Variants in SRP9 observed in about 807,000 individuals in gnomAD.
The protein encoded by SRP9 is signal recognition particle 9.
A neutral mutation model predicts 11.7 loss-of-function variants in SRP9; 2 were observed. The ratio of observed to expected loss-of-function variants is 0.17; its 90% CI spans 0.07 to 0.54. The LOEUF (loss-of-function observed/expected upper bound fraction) is 0.54. Among genes scored for constraint, SRP9 ranks in the 20% least tolerant of loss-of-function variants. The pLI is 0.94. For missense variants in SRP9, 54 were observed against 108.1 expected (o/e 0.50, Z 2.22); for synonymous variants, 27 against 35.6 (o/e 0.76, Z 0.86).
chr1:225,778,087 C>T (rs1005414823), intron 1 of SRP9, 75 bp downstream of exon 1: 28 of 1,535,502 alleles, frequency 1.8e-5, no homozygotes, highest in African/African-American at 1.8e-4. Flanking sequence ...GCCCCTGGAG[C>T]TTCCCCAGCG....
At chr1:225,781,113 C>G (rs3753654) in intron 1 of SRP9, among the ~76,000 whole-genome samples, 3 of 152,196 alleles carry the variant, frequency 2.0e-5, no homozygotes, top group African/African-American at 7.2e-5. Context: ...AGCCTTTCTT[C>G]TGCCTTCTTC....
chr1:225,787,802 TTGA>T (rs916157314), intron 2 of SRP9, among the ~76,000 whole-genome samples: 1 of 152,162 alleles, frequency 6.6e-6, no homozygotes, highest in Non-Finnish European at 1.5e-5. Flanking sequence ...TGCTAAAATT[TTGA>T]TGATGAAGAT....
chr1:225,780,178 ATTTTTTTT>A (rs67816765), intron 1 of SRP9, among the ~76,000 whole-genome samples: 3 of 130,180 alleles, frequency 2.3e-5, no homozygotes, highest in African/African-American at 5.9e-5. Flanking sequence ...TGCCTGCCTA[ATTTTTTTT>A]TTTTTTTTTT....
chr1:225,779,823 C>T (rs1313928566), intron 1 of SRP9, among the ~76,000 whole-genome samples: 3 of 152,174 alleles, frequency 2.0e-5, no homozygotes, highest in Non-Finnish European at 4.4e-5. Flanking sequence ...GACAATGCTA[C>T]TCTGAGACCA....
chr1:225,784,134 T>A (rs1262155519), intron 2 of SRP9, among the ~76,000 whole-genome samples: 2 of 151,272 alleles, frequency 1.3e-5, no homozygotes, highest in Non-Finnish European at 2.9e-5. Context: ...CTTGCAAATG[T>A]GTGTTTAGTT....
Position 225,789,334 on chromosome 1 carries a change from G to T in SRP9, c.236G>T (p.Arg79Leu), listed in dbSNP as rs756194834. Residue 79 changes from arginine (R) to leucine (L), a missense_variant, in exon 3 of 3, where the codon CGC becomes CTC. Coordinates refer to ENST00000304786, the MANE Select transcript of SRP9 (RefSeq NM_003133.6). ...CGACTTATGGTAGCCAAGGAAGCCC[G>T]CAATGTTACCATGGAAACTGAGTGA... Reference protein sequence around the residue: ...LMRLMVAKEARNVTMETE With the variant: ...LMRLMVAKEALNVTMETE 3 of 1,602,668 alleles carry T rather than the reference G, an allele frequency of 1.9e-6. No homozygotes were observed. The highest frequency in any genetic ancestry group is 2.6e-6 in the Non-Finnish European group (3 of 1,175,294).
chr1:225,786,947 G>T (rs891194063), intron 2 of SRP9: 45 of 597,152 alleles, frequency 7.5e-5, no homozygotes, highest in African/African-American at 6.7e-4. Flanking sequence ...GGCTCAAGCG[G>T]TCCTCTTGCT....
At chr1:225,786,783 G>A (rs1665924858) in intron 2 of SRP9, 2 of 1,131,934 alleles carry the variant, frequency 1.8e-6, no homozygotes, top group Non-Finnish European at 2.2e-6. Flanking sequence ...TCTAACATGA[G>A]TGCTTACCCT....
chr1:225,786,060 CTCTCTAA>C (rs1161724218), intron 2 of SRP9, among the ~76,000 whole-genome samples: 21 of 152,308 alleles, frequency 1.4e-4, no homozygotes, highest in African/African-American at 5.1e-4. Context: ...CCCTTGCATC[CTCTCTAA>C]TCTCTGTCAT....
intron 2 of SRP9, among the ~76,000 whole-genome samples, chr1:225,787,872 T>A (rs900418926): frequency 3.3e-5 from 5 of 152,150 alleles, no homozygotes; most frequent in South Asian, 2.1e-4. Flanking sequence ...TGGATAAAAA[T>A]TTTTTTAAGT....
At position 225,789,566 on chromosome 1, in the gene SRP9, T is replaced by C. The variant is rs11555998; in HGVS notation, c.*207T>C. 1 of 429,294 alleles carries C rather than the reference T, an allele frequency of 2.3e-6. No individual in the cohort carries two copies. The highest frequency in any genetic ancestry group is 4.1e-5 in the East Asian group (1 of 24,152). 26.6% of individuals were successfully genotyped at this position (429,294 alleles called of 1,614,324 possible). ...GAAAGCCTTTATTTACTTTTGGAAA[T>C]TGAACAAGAAATGCATCTGTCTTAG... On this transcript the variant is annotated 3_prime_UTR_variant, in exon 3 of 3. Transcript: ENST00000304786.
chr1:225,780,472 A>G lies in SRP9; in HGVS notation c.72+2460A>G, dbSNP rs1475490425. 2.0e-5 allele frequency among the ~76,000 whole-genome samples: 3 copies of G among 152,128 alleles called. No homozygotes were observed. In the East Asian group the frequency reaches 5.8e-4, roughly 29 times the overall value. On this transcript the variant is annotated intron_variant, in intron 1 of 2. Transcript: ENST00000304786. ...TTGGCTCACTGCAACCTCCGCCTCTACGTGACAGGCATTTTACATATGTTT... is the reference window on the plus strand; with the variant it reads ...TTGGCTCACTGCAACCTCCGCCTCTGCGTGACAGGCATTTTACATATGTTT...
At chr1:225,789,033 G>A (rs770354270) in intron 2 of SRP9, 37 of 1,550,776 alleles carry the variant, frequency 2.4e-5, no homozygotes, top group Non-Finnish European at 3.2e-5. Context: ...TTTGTCCACA[G>A]CAGTGGCATT....
chr1:225,781,450 A>C (rs1472845459), intron 1 of SRP9, among the ~76,000 whole-genome samples: 1 of 121,712 alleles, frequency 8.2e-6, no homozygotes, highest in Non-Finnish European at 1.6e-5. Flanking sequence ...TCCAGGCTGG[A>C]GTGCAGTGGT....
At chr1:225,788,538 C>T (rs1471788414) in intron 2 of SRP9, among the ~76,000 whole-genome samples, 1 of 151,854 alleles carries the variant, frequency 6.6e-6, no homozygotes, top group Non-Finnish European at 1.5e-5. Context: ...GCCTCAGCCT[C>T]CTAAGTAGCT....
intron 2 of SRP9, among the ~76,000 whole-genome samples, chr1:225,784,707 T>C (rs1451167726): frequency 6.6e-6 from 1 of 151,604 alleles, no homozygotes; most frequent in East Asian, 2.0e-4. Context: ...CCAGGCATGG[T>C]GGCGGGCACC....
At chr1:225,780,750 T>A (rs1665778372) in intron 1 of SRP9, among the ~76,000 whole-genome samples, 1 of 152,212 alleles carries the variant, frequency 6.6e-6, no homozygotes, top group Non-Finnish European at 1.5e-5. Context: ...AAATTCTCTG[T>A]CTTCTCTCCG....
intron 1 of SRP9, among the ~76,000 whole-genome samples, chr1:225,780,896 C>G (rs1665781214): frequency 6.6e-6 from 1 of 152,206 alleles, no homozygotes; most frequent in Non-Finnish European, 1.5e-5. Flanking sequence ...AGTTCCTTAA[C>G]ACTCTTGCCA....
Position 225,783,305 on chromosome 1 carries a change from T to C in SRP9, c.78T>C (p.Arg26=), listed in dbSNP as rs752934706. 19 of 1,611,756 alleles carry C rather than the reference T, an allele frequency of 1.2e-5. No homozygotes were observed. The highest frequency in any genetic ancestry group is 1.7e-6 in the Non-Finnish European group (2 of 1,178,520). Residue 26 remains arginine (R), a synonymous_variant, in exon 2 of 3, where the codon CGT becomes CGC. Transcript: ENST00000304786. ...AATATGTATTTTTGTTTCAGGCACG[T>C]GTGGTTCTCAAATATAGGCATTCTG... is the stretch of plus-strand genomic sequence containing the variant. The part of the protein sequence containing the change: ...KLYLADPMKA[R]VVLKYRHSDG...
Sources: allele counts gnomAD v4.1 joint callset (sites outside exome capture counted in the v4.1 genomes callset), GRCh38; gene constraint gnomAD v4.1.1; transcripts MANE v1.5; gene names NCBI Gene and HGNC (gene_info 2026-07-23, HGNC 2026-07-21).